CMSS1: variants seen among roughly 807,000 people sequenced by gnomAD.
CMSS1 encodes protein CMSS1.
A neutral mutation model predicts 43.5 loss-of-function variants in CMSS1; 33 were observed. The observed-to-expected ratio is 0.76, with a 90% CI of 0.57 to 1.01. The LOEUF is 1.01. Ranked by LOEUF, CMSS1 falls within the 50% of genes least tolerant of loss-of-function variation. The pLI is 0.00. For missense variants in CMSS1, 313 were observed against 326.4 expected, an observed-to-expected ratio of 0.96 and a Z score of 0.32; for synonymous variants, 115 against 117.2, an observed-to-expected ratio of 0.98 and a Z score of 0.12.
At chr3:100,055,463 A>T (rs1370164475) in intron 1 of CMSS1, among the ~76,000 whole-genome samples, 6 of 152,190 alleles carry the variant, frequency 3.9e-5, no homozygotes, top group Non-Finnish European at 4.4e-5. Context: ...GCTAGAAAAA[A>T]ACTGATTTGT....
intron 1 of CMSS1, among the ~76,000 whole-genome samples, chr3:100,123,263 G>C (rs573465793): frequency 6.6e-6 from 1 of 152,170 alleles, no homozygotes; most frequent in Admixed American, 6.5e-5. Context: ...AGGAGGAAGC[G>C]TTCAGGTCTG....
intron 1 of CMSS1, among the ~76,000 whole-genome samples, chr3:99,874,098 T>G (rs911580083): frequency 6.6e-6 from 1 of 152,218 alleles, no homozygotes; most frequent in Non-Finnish European, 1.5e-5. Flanking sequence ...TGAACCATGC[T>G]TTAAAGTTAA....
intron 1 of CMSS1, among the ~76,000 whole-genome samples, chr3:100,042,534 A>T (rs2107294971): frequency 6.6e-6 from 1 of 152,312 alleles, no homozygotes; most frequent in South Asian, 2.1e-4. Context: ...TTTTATTACC[A>T]AGTGTATTTT....
intron 1 of CMSS1, among the ~76,000 whole-genome samples, chr3:100,124,909 AGTC>A (rs2066651581): frequency 6.6e-6 from 1 of 151,924 alleles, no homozygotes; most frequent in African/African-American, 2.4e-5. Flanking sequence ...CCCCGTTTTC[AGTC>A]TGTACCTCAT....
intron 1 of CMSS1, among the ~76,000 whole-genome samples, chr3:99,878,102 CCTTGCCTGGTACACTA>C (rs1705596674): frequency 6.6e-6 from 1 of 152,086 alleles, no homozygotes; most frequent in Non-Finnish European, 1.5e-5. Context: ...CCTTGTATGC[CCTTGCCTGGTACACTA>C]CTTGCCTGGT....
intron 1 of CMSS1, among the ~76,000 whole-genome samples, chr3:100,120,933 C>T (rs555068456): frequency 6.6e-6 from 1 of 152,144 alleles, no homozygotes; most frequent in South Asian, 2.1e-4. Context: ...TTGCAGCTGC[C>T]CCGTGCCTTA....
chr3:100,161,839 C>T lies in CMSS1; in HGVS notation c.226-464C>T, dbSNP rs149341590. On this transcript the variant is annotated intron_variant, in intron 3 of 9. Transcript: ENST00000421999. ...GTTAAGTCCCCTTCTCAGTAGGCCC[C>T]TATGCTCAGATTCCTACTGCGGGTT... is the stretch of plus-strand genomic sequence containing the variant. Among the ~76,000 whole-genome samples, 688 of 152,228 alleles carry T rather than the reference C, an allele frequency of 4.5e-3. 5 individuals carry two copies. The highest frequency in any genetic ancestry group is 0.015 in the African/African-American group (643 of 41,534).
At chr3:99,955,247 G>C (rs1201480566) in intron 1 of CMSS1, among the ~76,000 whole-genome samples, 1 of 152,172 alleles carries the variant, frequency 6.6e-6, no homozygotes, top group South Asian at 2.1e-4. Context: ...TGCTCACACA[G>C]AGGATGGAAC....
At chr3:99,863,760 G>A (rs1233150240) in intron 1 of CMSS1, among the ~76,000 whole-genome samples, 6 of 152,188 alleles carry the variant, frequency 3.9e-5, no homozygotes, top group Middle Eastern at 3.4e-3. Context: ...TTACCACATC[G>A]TTCATCTCCC....
chr3:100,093,001 T>C (rs1051578407), intron 1 of CMSS1, among the ~76,000 whole-genome samples: 2 of 152,000 alleles, frequency 1.3e-5, no homozygotes, highest in African/African-American at 2.4e-5. Context: ...GTTCCATAAA[T>C]TGAGAATTTG....
At chr3:99,930,777 C>T in intron 1 of CMSS1, 1 of 1,613,328 alleles carries the variant, frequency 6.2e-7, no homozygotes, top group Non-Finnish European at 8.5e-7. Flanking sequence ...ACCTGCAGTT[C>T]TCCCTCCAGA....
At chr3:100,043,597 CAGTT>C (rs1482611874) in intron 1 of CMSS1, among the ~76,000 whole-genome samples, 1 of 152,166 alleles carries the variant, frequency 6.6e-6, no homozygotes, top group Non-Finnish European at 1.5e-5. Flanking sequence ...CCATTTGAGT[CAGTT>C]AGGACATGGA....
At chr3:100,102,615 T>C (rs1439841225) in intron 1 of CMSS1, among the ~76,000 whole-genome samples, 3 of 152,208 alleles carry the variant, frequency 2.0e-5, no homozygotes, top group Admixed American at 2.0e-4. Flanking sequence ...CTATTAATTC[T>C]TTGAAGGCAA....
In CMSS1 at chr3:99,987,154, C is replaced by A. The variant is rs147088343; in HGVS notation, c.65-159819C>A. ...CTGAGGCAGGAGGATCACTTAAGCC[C>A]AGGAGGTTGAGGCTTCAGTGAGCCA... On this transcript the variant is annotated intron_variant, in intron 1 of 9. Transcript: ENST00000421999. 2.5e-3 allele frequency among the ~76,000 whole-genome samples: 386 copies of A among 151,652 alleles called. 2 individuals carry two copies. Among genetic ancestry groups the A allele is most frequent in the African/African-American group, 8.9e-3 (366 of 41,324 alleles).
intron 1 of CMSS1, among the ~76,000 whole-genome samples, chr3:100,013,603 C>T (rs1034437582): frequency 1.3e-5 from 2 of 152,004 alleles, no homozygotes; most frequent in African/African-American, 2.4e-5. Context: ...ATATTTATAA[C>T]AGAAAATGAA....
At chr3:100,054,973 T>C (rs185235747) in intron 1 of CMSS1, among the ~76,000 whole-genome samples, 107 of 152,326 alleles carry the variant, frequency 7.0e-4, no homozygotes, top group Non-Finnish European at 4.1e-4. Flanking sequence ...CTTTCCCAGC[T>C]TGCAGAGCCT....
At chr3:100,154,229 G>A (rs2066949901) in intron 2 of CMSS1, among the ~76,000 whole-genome samples, 1 of 152,054 alleles carries the variant, frequency 6.6e-6, no homozygotes. Flanking sequence ...TGGTTTTTAA[G>A]CTTTTTTATT....
At chr3:99,985,334 C>T (rs1297092853) in intron 1 of CMSS1, among the ~76,000 whole-genome samples, 1 of 151,980 alleles carries the variant, frequency 6.6e-6, no homozygotes, top group Non-Finnish European at 1.5e-5. Context: ...GAGTTCAAGA[C>T]CAGCCCGAAC....
At chr3:100,144,693 A>G (rs1337073437) in intron 1 of CMSS1, among the ~76,000 whole-genome samples, 1 of 152,132 alleles carries the variant, frequency 6.6e-6, no homozygotes, top group South Asian at 2.1e-4. Context: ...TATTGTCTGA[A>G]AGGTTTTAGT....
Sources: allele counts gnomAD v4.1 joint callset (sites outside exome capture counted in the v4.1 genomes callset), GRCh38; gene constraint gnomAD v4.1.1; transcripts MANE v1.5; gene names NCBI Gene and HGNC (gene_info 2026-07-23, HGNC 2026-07-21).